AGPAT3: variants seen among roughly 807,000 people sequenced by gnomAD.
The protein encoded by AGPAT3 is 1-acyl-sn-glycerol-3-phosphate acyltransferase gamma.
In AGPAT3, 5 loss-of-function variants were observed where a neutral mutation model predicts 47.3. The observed-to-expected ratio is 0.11, with a 90% CI of 0.06 to 0.22. AGPAT3 has a LOEUF of 0.22. AGPAT3 is among the 10% of genes least tolerant of loss of function. The pLI is 1.00. For synonymous variants in AGPAT3, 212 were observed against 208.3 expected (o/e 1.02, Z -0.15); for missense variants, 315 against 493.0 (o/e 0.64, Z 3.42).
intron 2 of AGPAT3, among the ~76,000 whole-genome samples, chr21:43,938,647 C>T (rs1249283484): frequency 2.6e-5 from 4 of 152,156 alleles, no homozygotes; most frequent in Non-Finnish European, 5.9e-5. Context: ...AATAGTCATC[C>T]AATACTTCCA....
chr21:43,944,636 C>T (rs2087803450), intron 2 of AGPAT3, among the ~76,000 whole-genome samples: 1 of 152,220 alleles, frequency 6.6e-6, no homozygotes, highest in South Asian at 2.1e-4. Flanking sequence ...GATGCATGTG[C>T]CGGGAGGCAG....
chr21:43,895,833 C>A (rs563897529), intron 1 of AGPAT3, among the ~76,000 whole-genome samples: 99 of 152,320 alleles, frequency 6.5e-4, no homozygotes, highest in Non-Finnish European at 1.2e-3. Context: ...ATGGCACAGT[C>A]TCGGCTCACT....
At chr21:43,963,856 T>C in intron 3 of AGPAT3, among the ~76,000 whole-genome samples, 1 of 152,056 alleles carries the variant, frequency 6.6e-6, no homozygotes, top group Non-Finnish European at 1.5e-5. Flanking sequence ...AGATCCTCAA[T>C]GTGCTGGAAA....
At chr21:43,975,038 TGTG>T (rs1467771695) in intron 7 of AGPAT3, among the ~76,000 whole-genome samples, 7 of 151,748 alleles carry the variant, frequency 4.6e-5, no homozygotes, top group African/African-American at 9.7e-5. Context: ...CGTTTGCTGA[TGTG>T]TGTGTTGTGC....
In AGPAT3 at chr21:43,981,695, C is replaced by T. The variant is rs1205656244; in HGVS notation, c.1042+508C>T. ...AGCCTGTCCCTGTGGTGAGCTCCGGCGCCCACCCACACCCCGTAATTGAGG... is the reference window on the plus strand; with the variant it reads ...AGCCTGTCCCTGTGGTGAGCTCCGGTGCCCACCCACACCCCGTAATTGAGG... On this transcript the variant is annotated intron_variant, in intron 9 of 9. Transcript: ENST00000291572. This position sits in a 1 kb window ranked among gnomAD's most constrained non-coding sequence, Gnocchi z 5.3. Among the ~76,000 whole-genome samples the T allele has an allele frequency of 2.0e-5, 3 of 152,100 alleles. No individual in the cohort carries two copies. Among genetic ancestry groups the T allele is most frequent in the African/African-American group, 4.8e-5 (2 of 41,406 alleles).
At chr21:43,919,125 A>G (rs556165907) in intron 2 of AGPAT3, among the ~76,000 whole-genome samples, 31 of 152,198 alleles carry the variant, frequency 2.0e-4, no homozygotes, top group Middle Eastern at 3.4e-3. Flanking sequence ...GTTAGGATGC[A>G]TGCTTGATGT....
intron 2 of AGPAT3, among the ~76,000 whole-genome samples, chr21:43,958,802 AGT>A (rs545180470): frequency 2.4e-4 from 22 of 91,590 alleles, no homozygotes; most frequent in African/African-American, 7.7e-4. Context: ...TGTGGTTTGC[AGT>A]GTGTGTAGTG....
chr21:43,967,630 C>T (rs887705241), intron 3 of AGPAT3: 6 of 289,568 alleles, frequency 2.1e-5, no homozygotes, highest in African/African-American at 6.5e-5. Flanking sequence ...GCACCTCTCA[C>T]GGGGCGTGGC....
chr21:43,924,456 T>G (rs1286512437), intron 2 of AGPAT3, among the ~76,000 whole-genome samples: 8 of 152,132 alleles, frequency 5.3e-5, no homozygotes, highest in Admixed American at 4.6e-4. Context: ...CTAAGACCAA[T>G]AAATACCTGC....
intron 2 of AGPAT3, among the ~76,000 whole-genome samples, chr21:43,935,386 G>C (rs2087409249): frequency 6.6e-6 from 1 of 152,254 alleles, no homozygotes; most frequent in South Asian, 2.1e-4. Flanking sequence ...GGGGTCCCCA[G>C]CTGGGAGTGC....
chr21:43,922,197 C>T lies in AGPAT3; in HGVS notation c.-49+18178C>T, dbSNP rs1181419375. 6.6e-6 allele frequency among the ~76,000 whole-genome samples: 1 copy of T among 152,080 alleles called. No homozygotes were observed. The highest frequency in any genetic ancestry group is 1.9e-4 in the East Asian group (1 of 5,186). ...AGGCTTGTGGGGGAGTCGCACAGAG[C>T]ACGTGTGTGATGCATTTATCAGGGC... On this transcript the variant is annotated intron_variant, in intron 2 of 9. Transcript: ENST00000291572. The surrounding 1 kb of genome is among the most constrained non-coding windows in gnomAD (Gnocchi z 4.9).
intron 1 of AGPAT3, among the ~76,000 whole-genome samples, chr21:43,888,063 CAG>C: frequency 6.6e-6 from 1 of 152,218 alleles, no homozygotes; most frequent in Admixed American, 6.5e-5. Context: ...ATTTTTGAGA[CAG>C]AGTCTCACTC....
At chr21:43,962,477 T>C (rs1601435966) in intron 3 of AGPAT3, among the ~76,000 whole-genome samples, 1 of 152,330 alleles carries the variant, frequency 6.6e-6, no homozygotes, top group African/African-American at 2.4e-5. Context: ...GACTCCTACT[T>C]TCTAGCAGTA....
At chr21:43,914,698 G>A (rs1464601072) in intron 2 of AGPAT3, among the ~76,000 whole-genome samples, 2 of 151,820 alleles carry the variant, frequency 1.3e-5, no homozygotes, top group East Asian at 1.9e-4. Flanking sequence ...GCCCCACCAC[G>A]CCCAACTAAT....
At chr21:43,972,808 G>A (rs1409032108) in intron 7 of AGPAT3, among the ~76,000 whole-genome samples, 7 of 152,224 alleles carry the variant, frequency 4.6e-5, no homozygotes, top group Admixed American at 6.5e-5. Flanking sequence ...GAAACCGTGC[G>A]CTGGATGGCC....
rs1254526003 is a variant in AGPAT3, at chr21:43,952,524, T to C, written c.-48-7110T>C. Among the ~76,000 whole-genome samples, 1 of 152,126 alleles carries C rather than the reference T, an allele frequency of 6.6e-6. No homozygotes were observed. The highest frequency in any genetic ancestry group is 2.4e-5 in the African/African-American group (1 of 41,438). Reference sequence around the variant, plus strand: ...GGCAGAGGCAGCCTCGTGCCTCACCTTTGCTCCCCTGATCTAAGAAGGTGC... The same window carrying C: ...GGCAGAGGCAGCCTCGTGCCTCACCCTTGCTCCCCTGATCTAAGAAGGTGC... On this transcript the variant is annotated intron_variant, in intron 2 of 9. Transcript: ENST00000291572. The surrounding 1 kb of genome is among the most constrained non-coding windows in gnomAD (Gnocchi z 5.6).
rs531065002 is a variant in AGPAT3, at chr21:43,920,981, C to T, written c.-49+16962C>T. Among the ~76,000 whole-genome samples, 23 of 152,234 alleles carry T rather than the reference C, an allele frequency of 1.5e-4. No homozygotes were observed. The highest frequency in any genetic ancestry group is 3.4e-3 in the Middle Eastern group (1 of 294). ...ACAAAAACTTAGCCGGGCGTGGTGG[C>T]GGGCACCTGTAGTTCCAGCTACTCA... On this transcript the variant is annotated intron_variant, in intron 2 of 9. Transcript: ENST00000291572. The surrounding 1 kb of genome is among the most constrained non-coding windows in gnomAD (Gnocchi z 6.1).
intron 3 of AGPAT3, among the ~76,000 whole-genome samples, chr21:43,960,457 G>A (rs1468845125): frequency 6.6e-6 from 1 of 152,212 alleles, no homozygotes; most frequent in Non-Finnish European, 1.5e-5. Flanking sequence ...GACATGAACA[G>A]GCGCATCTCT....
chr21:43,969,720 C>T (rs1250284069), intron 5 of AGPAT3, among the ~76,000 whole-genome samples: 2 of 151,814 alleles, frequency 1.3e-5, no homozygotes, highest in Non-Finnish European at 2.9e-5. Context: ...GTGTTTGAAA[C>T]GGAGTCTCGC....
Sources: gnomAD v4.1 joint callset for allele counts (sites outside exome capture counted in the v4.1 genomes callset) on GRCh38, gnomAD v4.1.1 for gene constraint, Gnocchi (gnomAD v3.1) non-coding constraint, MANE v1.5 for transcripts, NCBI Gene and HGNC (gene_info 2026-07-23, HGNC 2026-07-21) for gene names.